RHOA: variants seen among roughly 807,000 people sequenced by gnomAD.
RHOA encodes transforming protein RhoA.
A neutral mutation model predicts 17.5 loss-of-function variants in RHOA; 3 were observed. That is an observed-to-expected ratio of 0.17 (90% CI 0.08 to 0.44). RHOA has a LOEUF of 0.44. Among genes scored for constraint, RHOA ranks in the 20% least tolerant of loss-of-function variants. RHOA has a pLI of 0.99. For missense variants in RHOA, 56 were observed against 242.3 expected (o/e 0.23, Z 5.10); for synonymous variants, 98 against 88.4 (o/e 1.11, Z -0.61).
At chr3:49,396,859 G>C (rs2048624481) in intron 1 of RHOA, among the ~76,000 whole-genome samples, 1 of 152,050 alleles carries the variant, frequency 6.6e-6, no homozygotes, top group Admixed American at 6.6e-5. Context: ...CCTGGGCTTG[G>C]TGGCTCATGC....
intron 1 of RHOA, among the ~76,000 whole-genome samples, chr3:49,406,211 A>T (rs946083847): frequency 2.0e-5 from 3 of 152,148 alleles, no homozygotes; most frequent in Non-Finnish European, 4.4e-5. Flanking sequence ...TTACTTCCTT[A>T]ACCTCTCAAA....
At chr3:49,383,182 C>T (rs1263838788) in intron 1 of RHOA, among the ~76,000 whole-genome samples, 1 of 152,038 alleles carries the variant, frequency 6.6e-6, no homozygotes, top group East Asian at 1.9e-4. Context: ...GCCTGTAATT[C>T]CAGCACTTTG....
At chr3:49,398,369 C>T (rs2048654757) in intron 1 of RHOA, among the ~76,000 whole-genome samples, 1 of 151,692 alleles carries the variant, frequency 6.6e-6, no homozygotes, top group African/African-American at 2.4e-5. Flanking sequence ...AAAGTAAGAT[C>T]TAAACCAGGG....
intron 1 of RHOA, among the ~76,000 whole-genome samples, chr3:49,375,856 T>G (rs1446807951): frequency 1.3e-5 from 2 of 150,594 alleles, no homozygotes; most frequent in Non-Finnish European, 3.0e-5. Flanking sequence ...TGCCACTTCT[T>G]TTTTTTTTTG....
intron 1 of RHOA, among the ~76,000 whole-genome samples, chr3:49,379,700 G>A (rs1308292175): frequency 6.6e-6 from 1 of 152,054 alleles, no homozygotes; most frequent in Admixed American, 6.6e-5. Context: ...ATTTTTAGTA[G>A]TGACCGGGTT....
At chr3:49,393,729 T>TGTGTGTGTGA (rs1553635013) in intron 1 of RHOA, among the ~76,000 whole-genome samples, 3 of 136,744 alleles carry the variant, frequency 2.2e-5, no homozygotes, top group Admixed American at 7.5e-5. Flanking sequence ...TGTGTGTGTG[T>TGTGTGTGTGA]GACAGAATCT....
intron 4 of RHOA, 33 bp downstream of exon 4, chr3:49,362,463 A>C: frequency 6.5e-7 from 1 of 1,545,632 alleles, no homozygotes; most frequent in Non-Finnish European, 8.7e-7. Flanking sequence ...CTAGTTCAAG[A>C]ATACTACAAG....
intron 1 of RHOA, among the ~76,000 whole-genome samples, chr3:49,394,889 G>A (rs2048586652): frequency 6.6e-6 from 1 of 152,094 alleles, no homozygotes; most frequent in Non-Finnish European, 1.5e-5. Flanking sequence ...GAGCGGTAAC[G>A]ATGGTTCAGG....
chr3:49,368,399 G>A (rs1559497671), intron 3 of RHOA, 29 bp downstream of exon 3: 1 of 1,599,386 alleles, frequency 6.3e-7, no homozygotes, highest in Non-Finnish European at 8.6e-7. Context: ...CACAGGCAGT[G>A]ACAAATATCA....
rs2048213364 is a variant in RHOA at position 49,375,610 on chromosome 3, A to G, written c.-2-19T>C. 3.1e-6 allele frequency: 5 copies of G among 1,610,698 alleles called. No individual in the cohort carries two copies. Among genetic ancestry groups the G allele is most frequent in the East Asian group, 2.2e-5 (1 of 44,846 alleles). ...GCCATTGCTGAAACACAAAACACAG[A>G]TATTACCTGCAATGCACAAGAAGTC... is the stretch of plus-strand genomic sequence containing the variant. On this transcript the variant is annotated intron_variant, in intron 1 of 4. Coordinates refer to ENST00000418115, the MANE Select transcript of RHOA (RefSeq NM_001664.4).
intron 1 of RHOA, among the ~76,000 whole-genome samples, chr3:49,406,299 C>A (rs979934096): frequency 2.0e-5 from 3 of 151,958 alleles, no homozygotes; most frequent in African/African-American, 7.3e-5. Context: ...GAAGAGACAC[C>A]AGAGAATCAC....
chr3:49,406,026 G>A (rs568072173), intron 1 of RHOA, among the ~76,000 whole-genome samples: 1 of 152,230 alleles, frequency 6.6e-6, no homozygotes, highest in African/African-American at 2.4e-5. Context: ...AAGATAAACA[G>A]AGCTTCATTA....
chr3:49,399,689 C>G (rs1192256144), intron 1 of RHOA, among the ~76,000 whole-genome samples: 1 of 151,884 alleles, frequency 6.6e-6, no homozygotes, highest in African/African-American at 2.4e-5. Flanking sequence ...GGGCTCCCCT[C>G]AGCTGCCCCA....
intron 1 of RHOA, among the ~76,000 whole-genome samples, chr3:49,381,531 C>T (rs925760854): frequency 4.7e-5 from 7 of 150,276 alleles, no homozygotes; most frequent in African/African-American, 7.4e-5. Context: ...GCTGAGAACG[C>T]GCCACTGCAC....
At chr3:49,361,088 A>AC (rs2047963738) in intron 4 of RHOA, 1 of 170,112 alleles carries the variant, frequency 5.9e-6, no homozygotes, top group Admixed American at 6.5e-5. Context: ...AAACAAAACA[A>AC]AAAAAAAAAA....
At chr3:49,383,597 G>T (rs1418882911) in intron 1 of RHOA, among the ~76,000 whole-genome samples, 1 of 152,004 alleles carries the variant, frequency 6.6e-6, no homozygotes, top group Non-Finnish European at 1.5e-5. Flanking sequence ...TGCACTTTCA[G>T]CCTGCACTCC....
At chr3:49,406,045 T>G (rs1005022938) in intron 1 of RHOA, among the ~76,000 whole-genome samples, 1 of 152,100 alleles carries the variant, frequency 6.6e-6, no homozygotes, top group Non-Finnish European at 1.5e-5. Context: ...TATGAATAAC[T>G]GGAAAAGTTA....
intron 1 of RHOA, among the ~76,000 whole-genome samples, chr3:49,383,041 C>CA (rs750978971): frequency 6.8e-6 from 1 of 146,332 alleles, no homozygotes; most frequent in African/African-American, 2.5e-5. Context: ...GCGACAAGAG[C>CA]AAAACTCCAT....
intron 2 of RHOA, among the ~76,000 whole-genome samples, chr3:49,368,871 C>A (rs1338550779): frequency 6.6e-6 from 1 of 151,306 alleles, no homozygotes; most frequent in Non-Finnish European, 1.5e-5. Flanking sequence ...TCACACCCGG[C>A]TAATTTTTTG....
Sources: allele counts gnomAD v4.1 joint callset (sites outside exome capture counted in the v4.1 genomes callset), GRCh38; gene constraint gnomAD v4.1.1; transcripts MANE v1.5; gene names NCBI Gene and HGNC (gene_info 2026-07-23, HGNC 2026-07-21).